Variants in CCDC91 observed in about 807,000 individuals in gnomAD.
The protein encoded by CCDC91 is coiled-coil domain-containing protein 91.
Under a neutral mutation model 63.2 loss-of-function variants are expected in CCDC91, and 48 were observed. The ratio of observed to expected loss-of-function variants is 0.76; its 90% CI spans 0.60 to 0.97. CCDC91 has a LOEUF of 0.97. CCDC91 is among the 50% of genes least tolerant of loss of function. The pLI, the probability that CCDC91 is intolerant of heterozygous loss-of-function variation, is 0.00. For missense variants in CCDC91, 500 were observed against 494.6 expected (o/e 1.01, Z -0.10); for synonymous variants, 167 against 165.8 (o/e 1.01, Z -0.06).
At chr12:28,416,509 G>A (rs1285198305) in intron 8 of CCDC91, among the ~76,000 whole-genome samples, 1 of 152,128 alleles carries the variant, frequency 6.6e-6, no homozygotes, top group Non-Finnish European at 1.5e-5. Flanking sequence ...TATCGGCAAG[G>A]ACAGGTGGGA....
chr12:28,462,315 G>A (rs1012953681), intron 11 of CCDC91, among the ~76,000 whole-genome samples: 12 of 152,164 alleles, frequency 7.9e-5, no homozygotes, highest in African/African-American at 2.9e-4. Context: ...AAATTCTCAT[G>A]AGTAGGGAAC....
At chr12:28,350,675 A>C (rs915592903) in intron 6 of CCDC91, among the ~76,000 whole-genome samples, 1 of 152,138 alleles carries the variant, frequency 6.6e-6, no homozygotes, top group African/African-American at 2.4e-5. Flanking sequence ...GTTTGAAATT[A>C]ATGTGTCAGC....
chr12:28,520,494 G>A (rs1490648931), intron 12 of CCDC91, among the ~76,000 whole-genome samples: 1 of 152,094 alleles, frequency 6.6e-6, no homozygotes, highest in Non-Finnish European at 1.5e-5. Flanking sequence ...TGGGTAGATT[G>A]CAAAAATTTT....
intron 6 of CCDC91, among the ~76,000 whole-genome samples, chr12:28,328,269 A>G (rs1188566322): frequency 6.6e-6 from 1 of 152,128 alleles, no homozygotes; most frequent in Non-Finnish European, 1.5e-5. Flanking sequence ...TGTGCTAAAC[A>G]TATTGTATTT....
intron 1 of CCDC91, among the ~76,000 whole-genome samples, chr12:28,229,295 A>G (rs534927347): frequency 1.4e-4 from 21 of 150,666 alleles, no homozygotes; most frequent in African/African-American, 5.1e-4. Context: ...CATAGCTTTT[A>G]TTGATTTATT....
In CCDC91 at chr12:28,549,243, T is replaced by A. The variant is rs2141912272; in HGVS notation, c.*70T>A. On this transcript the variant is annotated 3_prime_UTR_variant, in exon 13 of 13. Coordinates refer to ENST00000536442, the MANE Select transcript of CCDC91 (RefSeq NM_018318.5). Reference sequence around the variant, plus strand: ...CACCTTCAAAATACACACTCTGAATTATAAAGATGTGTTTGTTTTCTTTCC... The same window carrying A: ...CACCTTCAAAATACACACTCTGAATAATAAAGATGTGTTTGTTTTCTTTCC... 3.6e-6 allele frequency: 3 copies of A among 829,780 alleles called. No individual in the cohort carries two copies. The highest frequency in any genetic ancestry group is 6.1e-6 in the Non-Finnish European group (3 of 489,410). 51.4% of individuals were successfully genotyped at this position (829,780 alleles called of 1,614,324 possible). A position where few individuals can be genotyped will look rare whatever the true frequency, so the allele number is the denominator to read the frequency against.
At chr12:28,361,812 G>A (rs1339132100) in intron 6 of CCDC91, among the ~76,000 whole-genome samples, 3 of 132,538 alleles carry the variant, frequency 2.3e-5, no homozygotes, top group Non-Finnish European at 4.6e-5. Flanking sequence ...AACTAGCATC[G>A]AAACCACCTA....
intron 12 of CCDC91, among the ~76,000 whole-genome samples, chr12:28,488,760 A>T (rs1213091156): frequency 1.3e-5 from 2 of 151,936 alleles, no homozygotes; most frequent in Non-Finnish European, 2.9e-5. Context: ...AAAAAGATTT[A>T]AAAATATATT....
intron 7 of CCDC91, among the ~76,000 whole-genome samples, chr12:28,367,659 A>G (rs1373843774): frequency 6.6e-6 from 1 of 152,224 alleles, no homozygotes; most frequent in African/African-American, 2.4e-5. Flanking sequence ...CAAATATGAT[A>G]AAGACAAAAA....
At chr12:28,358,439 GTTC>G (rs1369505395) in intron 6 of CCDC91, among the ~76,000 whole-genome samples, 3 of 152,324 alleles carry the variant, frequency 2.0e-5, no homozygotes, top group Admixed American at 6.5e-5. Context: ...GGCCATTCTA[GTTC>G]TTCTTTATTC....
At chr12:28,349,424 C>T (rs540337417) in intron 6 of CCDC91, among the ~76,000 whole-genome samples, 7 of 152,266 alleles carry the variant, frequency 4.6e-5, no homozygotes, top group African/African-American at 1.7e-4. Flanking sequence ...AGCCCTCTCC[C>T]ACTGTCAGTG....
chr12:28,398,196 C>G (rs1946403984), intron 8 of CCDC91, among the ~76,000 whole-genome samples: 1 of 152,102 alleles, frequency 6.6e-6, no homozygotes, highest in African/African-American at 2.4e-5. Flanking sequence ...TCTATAAACT[C>G]TGGATCCTGA....
At chr12:28,512,141 C>G (rs945357432) in intron 12 of CCDC91, among the ~76,000 whole-genome samples, 1 of 151,762 alleles carries the variant, frequency 6.6e-6, no homozygotes, top group Admixed American at 6.6e-5. Flanking sequence ...CATTCCTCTG[C>G]GAATAGGTTC....
At chr12:28,417,614 C>T (rs1050187411) in intron 8 of CCDC91, among the ~76,000 whole-genome samples, 5 of 102,520 alleles carry the variant, frequency 4.9e-5, no homozygotes, top group Non-Finnish European at 1.0e-4. Context: ...CAACGTGAAC[C>T]TTTGAGATAT....
At chr12:28,450,526 C>A (rs1201179018) in intron 10 of CCDC91, 108 bp downstream of exon 10, 4 of 818,280 alleles carry the variant, frequency 4.9e-6, no homozygotes, top group Non-Finnish European at 7.8e-6. Context: ...CCATAAAAAT[C>A]GTTTTTATTT....
intron 11 of CCDC91, among the ~76,000 whole-genome samples, chr12:28,469,168 A>G (rs1299208742): frequency 1.3e-5 from 2 of 152,030 alleles, no homozygotes; most frequent in Non-Finnish European, 2.9e-5. Flanking sequence ...TTTGCAGATG[A>G]TTTTATATTT....
chr12:28,479,050 T>C (rs1238011070), intron 11 of CCDC91, among the ~76,000 whole-genome samples: 1 of 152,158 alleles, frequency 6.6e-6, no homozygotes, highest in East Asian at 1.9e-4. Flanking sequence ...TGGAAGACAG[T>C]ATGGCGATTC....
intron 3 of CCDC91, among the ~76,000 whole-genome samples, chr12:28,265,964 A>G (rs1311969467): frequency 6.6e-6 from 1 of 152,038 alleles, no homozygotes; most frequent in Non-Finnish European, 1.5e-5. Context: ...TAGTGCCTTT[A>G]CACAGATTAT....
intron 1 of CCDC91, among the ~76,000 whole-genome samples, chr12:28,223,137 A>G (rs1472680628): frequency 6.6e-6 from 1 of 152,200 alleles, no homozygotes; most frequent in African/African-American, 2.4e-5. Flanking sequence ...ATGGCAGGAA[A>G]TTGAAAGTGT....
Sources: allele counts gnomAD v4.1 joint callset (sites outside exome capture counted in the v4.1 genomes callset), GRCh38; gene constraint gnomAD v4.1.1; transcripts MANE v1.5; gene names NCBI Gene and HGNC (gene_info 2026-07-23, HGNC 2026-07-21).